Variants in FMNL3 observed in about 807,000 individuals in gnomAD.
The protein encoded by FMNL3 is formin like 3.
FMNL3 carries 57 observed loss-of-function variants against 119.6 expected under a neutral mutation model. That is an observed-to-expected ratio of 0.48 (90% CI 0.39 to 0.59). The LOEUF is 0.59. FMNL3 is among the 20% of genes least tolerant of loss of function. FMNL3 has a pLI of 0.00. For missense variants in FMNL3, 1,053 were observed against 1,323.5 expected, an observed-to-expected ratio of 0.80 and a Z score of 3.17; for synonymous variants, 491 against 507.3, an observed-to-expected ratio of 0.97 and a Z score of 0.43.
intron 10 of FMNL3, 22 bp downstream of exon 10, chr12:49,654,888 G>T (rs761891727): frequency 6.2e-7 from 1 of 1,612,072 alleles, no homozygotes; most frequent in Non-Finnish European, 8.5e-7. Flanking sequence ...GGTATGTGCT[G>T]GACCCAGGCC....
At chr12:49,691,188 T>C (rs1245812891) in intron 1 of FMNL3, among the ~76,000 whole-genome samples, 1 of 152,262 alleles carries the variant, frequency 6.6e-6, no homozygotes, top group Admixed American at 6.5e-5. Flanking sequence ...AGATAACAAG[T>C]ACTTCACAGA....
At chr12:49,654,842 C>A (rs1943521262) in intron 10 of FMNL3, 68 bp downstream of exon 10, 1 of 1,463,074 alleles carries the variant, frequency 6.8e-7, no homozygotes, top group Non-Finnish European at 9.5e-7. Flanking sequence ...GTTGGCCTCA[C>A]CCCTGTTGTC....
chr12:49,636,968 A>G lies in FMNL3; in HGVS notation c.*8847T>C, dbSNP rs1482187660. The G allele has an allele frequency of 6.2e-6, 9 of 1,450,188 alleles. No individual in the cohort carries two copies. The highest frequency in any genetic ancestry group is 2.8e-5 in the African/African-American group (2 of 71,732). 89.8% of individuals were successfully genotyped at this position (1,450,188 alleles called of 1,614,324 possible). On this transcript the variant is annotated 3_prime_UTR_variant, in exon 26 of 26. Transcript: ENST00000335154. ...GTTCTTTCTGTGCCTAGCCCTGTCC[A>G]AGCTCTATGAGACCTCTCTCTGCCT...
chr12:49,702,360 G>T (rs1177293812), intron 1 of FMNL3, among the ~76,000 whole-genome samples: 2 of 151,942 alleles, frequency 1.3e-5, no homozygotes, highest in African/African-American at 4.8e-5. Flanking sequence ...TCTATGCAGA[G>T]AAAAAAATAT....
chr12:49,653,193 A>C, intron 13 of FMNL3, 33 bp downstream of exon 13: 1 of 1,591,448 alleles, frequency 6.3e-7, no homozygotes, highest in Non-Finnish European at 8.6e-7. Context: ...GCCCAGGATC[A>C]GTCAGGGACT....
intron 1 of FMNL3, among the ~76,000 whole-genome samples, chr12:49,690,503 G>C (rs755613800): frequency 6.6e-6 from 1 of 152,014 alleles, no homozygotes; most frequent in Non-Finnish European, 1.5e-5. Flanking sequence ...GGAATTCTTA[G>C]ATTTTTCACC....
At chr12:49,705,690 C>T (rs1288079035) in intron 1 of FMNL3, among the ~76,000 whole-genome samples, 1 of 152,204 alleles carries the variant, frequency 6.6e-6, no homozygotes, top group African/African-American at 2.4e-5. Context: ...CTCACCCGAT[C>T]CCCCGAGGAG....
chr12:49,647,783 G>C lies in FMNL3; in HGVS notation c.2698C>G (p.Arg900Gly). The change falls in exon 23 of 26, where the codon CGC becomes GGC. Residue 900 changes from arginine (R) to glycine (G), a missense_variant. Physicochemically the swap from Arg to Gly is moderately radical, Grantham distance 125. Around this residue, in one of 4 missense-constraint regions of FMNL3, gnomAD observed 324 missense variants for 380.9 expected, o/e 0.85. Coordinates refer to ENST00000335154, the MANE Select transcript of FMNL3 (RefSeq NM_175736.5). This position sits in a 1 kb window ranked among gnomAD's most constrained non-coding sequence, Gnocchi z 4.9. ...TAEEAYNAVVRYFGESPKTTP... is the reference protein window; with the variant it reads ...TAEEAYNAVVGYFGESPKTTP... ...GTCTTGGGACTCTCGCCAAAGTAGC[G>C]CACAACTGCATTGTAGGCCTCCTGG... 1 of 1,613,450 alleles carries C rather than the reference G, an allele frequency of 6.2e-7. No homozygotes were observed. The highest frequency in any genetic ancestry group is 8.5e-7 in the Non-Finnish European group (1 of 1,179,764).
intron 5 of FMNL3, chr12:49,660,047 A>T (rs1008566031): frequency 1.3e-6 from 1 of 771,126 alleles, no homozygotes; most frequent in African/African-American, 1.9e-5. Flanking sequence ...GGAGGTGTTT[A>T]ATGGGGCTCT....
At chr12:49,706,798 G>A (rs1241292300) in intron 1 of FMNL3, among the ~76,000 whole-genome samples, 1 of 152,218 alleles carries the variant, frequency 6.6e-6, no homozygotes. Context: ...GGAGAAGCCT[G>A]GTTCCTAGGA....
intron 4 of FMNL3, among the ~76,000 whole-genome samples, chr12:49,663,749 G>A (rs1290886616): frequency 6.6e-6 from 1 of 152,224 alleles, no homozygotes; most frequent in East Asian, 1.9e-4. Flanking sequence ...GGTAGAGGGG[G>A]CAGGCAGCAG....
Position 49,640,673 on chromosome 12 carries a change from T to C in FMNL3, c.*5142A>G, listed in dbSNP as rs1592613185. On this transcript the variant is annotated 3_prime_UTR_variant, in exon 26 of 26. Coordinates refer to ENST00000335154, the MANE Select transcript of FMNL3 (RefSeq NM_175736.5). Reference sequence around the variant, plus strand: ...TTGCTCACCTGTAAATCAGGGATAATTCATAGGTAAGGTTGTGAGAATTAA... The same window carrying C: ...TTGCTCACCTGTAAATCAGGGATAACTCATAGGTAAGGTTGTGAGAATTAA... 2 of 152,216 alleles carry C rather than the reference T, an allele frequency of 1.3e-5. No homozygotes were observed. The highest frequency in any genetic ancestry group is 4.1e-4 in the South Asian group (2 of 4,836). The allele number at this position is 152,216 out of a possible 1,614,324, so 9.4% of individuals were successfully genotyped here. A position where few individuals can be genotyped will look rare whatever the true frequency, so the allele number is the denominator to read the frequency against.
chr12:49,637,904 GT>G lies in FMNL3; in HGVS notation c.*7910del. ...TGCAGAGGACTCCCTGATAAGTCCT[GT>G]TTTGCAGAAGCATTACAGCTTGGTT... On this transcript the variant is annotated 3_prime_UTR_variant, in exon 26 of 26. Transcript: ENST00000335154. The G allele has an allele frequency of 8.4e-7, 1 of 1,188,374 alleles. No individual in the cohort carries two copies. The highest frequency in any genetic ancestry group is 1.2e-6 in the Non-Finnish European group (1 of 808,830). The allele number at this position is 1,188,374 out of a possible 1,614,324, so 73.6% of individuals were successfully genotyped here.
At chr12:49,664,826 T>C (rs1008110897) in intron 4 of FMNL3, among the ~76,000 whole-genome samples, 1 of 152,126 alleles carries the variant, frequency 6.6e-6, no homozygotes, top group Non-Finnish European at 1.5e-5. Flanking sequence ...CTGGGAAGGC[T>C]TGCCCTGGGG....
intron 1 of FMNL3, 82 bp downstream of exon 1, chr12:49,706,973 G>A (rs2139089607): frequency 1.4e-6 from 2 of 1,457,574 alleles, no homozygotes; most frequent in Non-Finnish European, 1.9e-6. Flanking sequence ...TGGGCGGGAC[G>A]GGGGCCCAGC....
intron 1 of FMNL3, among the ~76,000 whole-genome samples, chr12:49,697,277 TAAA>T (rs1404831371): frequency 6.6e-6 from 1 of 152,104 alleles, no homozygotes. Flanking sequence ...GCAGAGGTAA[TAAA>T]AAGAGGTCCA....
chr12:49,699,760 G>A (rs181103672), intron 1 of FMNL3, among the ~76,000 whole-genome samples: 6 of 152,224 alleles, frequency 3.9e-5, no homozygotes, highest in Admixed American at 2.0e-4. Flanking sequence ...AGCAAAGAAC[G>A]CAAATAAAAG....
chr12:49,664,575 C>T (rs1943834472), intron 4 of FMNL3, among the ~76,000 whole-genome samples: 1 of 152,152 alleles, frequency 6.6e-6, no homozygotes, highest in Non-Finnish European at 1.5e-5. Flanking sequence ...CCACTTTGTC[C>T]TTCAGTCAGT....
intron 1 of FMNL3, among the ~76,000 whole-genome samples, chr12:49,684,007 T>C (rs537844166): frequency 1.3e-5 from 2 of 152,308 alleles, no homozygotes; most frequent in East Asian, 3.9e-4. Context: ...GCCCCACCTC[T>C]CTACTGTGCT....
Sources: gnomAD v4.1 joint callset for allele counts (sites outside exome capture counted in the v4.1 genomes callset) on GRCh38, gnomAD v4.1.1 for gene constraint, gnomAD v4.1.1 regional missense constraint, Gnocchi (gnomAD v3.1) non-coding constraint, MANE v1.5 for transcripts, NCBI Gene and HGNC (gene_info 2026-07-23, HGNC 2026-07-21) for gene names.